Variants in CACNA1F observed in about 807,000 individuals in gnomAD.
CACNA1F encodes calcium voltage-gated channel subunit alpha1 F, also known as voltage-dependent L-type calcium channel subunit alpha-1F.
In CACNA1F, 59 loss-of-function variants were observed where a neutral mutation model predicts 143.8. The observed-to-expected ratio is 0.41, with a 90% CI of 0.33 to 0.51. The LOEUF is 0.51. Among genes scored for constraint, CACNA1F ranks in the 20% least tolerant of loss-of-function variants. The probability of loss-of-function intolerance (pLI) is 0.22; values close to 1 mark genes in which losing one functional copy is unlikely to be tolerated. For missense variants in CACNA1F, 1,411 were observed against 1,647.5 expected, an observed-to-expected ratio of 0.86 and a Z score of 2.48; for synonymous variants, 643 against 649.1, an observed-to-expected ratio of 0.99 and a Z score of 0.14.
Position 49,215,443 on chromosome X carries a change from T to C in CACNA1F, c.3337A>G (p.Ile1113Val), listed in dbSNP as rs2065702841. The change falls in exon 28 of 48, where the codon ATT becomes GTT. Residue 1113 changes from isoleucine (I) to valine (V), a missense_variant. Ile to Val is a conservative substitution (Grantham distance 29). Around this residue, in one of 3 missense-constraint regions of CACNA1F, gnomAD observed 950 missense variants for 1,128.1 expected, o/e 0.84. Transcript: ENST00000323022. The stretch of plus-strand genomic sequence containing the variant: ...AAGATGTTCATCATGAAGAACGCAA[T>C]GATGATGATGTAGACAATGAAGAAC... Reference protein sequence around the residue: ...SVFFIVYIIIIAFFMMNIFVG... With the variant: ...SVFFIVYIIIVAFFMMNIFVG... 1 of 1,204,835 alleles carries C rather than the reference T, an allele frequency of 8.3e-7. No homozygotes were observed. Among genetic ancestry groups the C allele is most frequent in the Non-Finnish European group, 1.1e-6 (1 of 889,990 alleles).
At chrX:49,206,392 CAAAAAAAAAAA>C (rs1168190548) in intron 46 of CACNA1F, 108 bp downstream of exon 46, 21 of 166,545 alleles carry the variant, frequency 1.3e-4, no homozygotes, top group Non-Finnish European at 1.8e-4. Flanking sequence ...AACTCTGTCT[CAAAAAAAAAAA>C]AAAAAAAAAA....
rs782263264 is a variant in CACNA1F at position 49,209,921 on chromosome X, C to T, written c.4690+20G>A. 7 of 1,162,526 alleles carry T rather than the reference C, an allele frequency of 6.0e-6. No homozygotes were observed. The highest frequency in any genetic ancestry group is 8.2e-6 in the Non-Finnish European group (7 of 850,622). Reference sequence around the variant, plus strand: ...GCCATTCAGGGGCTGGCGCGGGGAACTGGGGCGGGGATAGCTCACCGTCTG... The same window carrying T: ...GCCATTCAGGGGCTGGCGCGGGGAATTGGGGCGGGGATAGCTCACCGTCTG... On this transcript the variant is annotated intron_variant, in intron 40 of 47. Coordinates refer to ENST00000323022, the MANE Select transcript of CACNA1F (RefSeq NM_001256789.3).
Position 49,210,679 on chromosome X carries a change from T to C in CACNA1F, c.4396A>G (p.Ile1466Val). 8.3e-7 allele frequency: 1 copy of C among 1,206,699 alleles called. No homozygotes were observed. Among genetic ancestry groups the C allele is most frequent in the South Asian group, 1.8e-5 (1 of 56,298 alleles). Residue 1466 changes from isoleucine (I) to valine (V), a missense_variant, in exon 38 of 48, where the codon ATC (isoleucine) becomes GTC (valine). Physicochemically the swap from Ile to Val is conservative, Grantham distance 29. Transcript: ENST00000323022. ...AGGGCAACCACATCCAAGTGTTTGA[T>C]GCGGCCCCTGGAGGAGTTGGGGAGG... ...SEYDPGAKGR[I>V]KHLDVVALLR...
rs782176886 is a variant in CACNA1F, at chrX:49,212,873, C to T, written c.3814-78G>A. Reference sequence around the variant, plus strand: ...TCCCTATCTCATGCTTTGGCCCTCCCAGTACCCAAATCACTCAGGCCCTAG... The same window carrying T: ...TCCCTATCTCATGCTTTGGCCCTCCTAGTACCCAAATCACTCAGGCCCTAG... On this transcript the variant is annotated intron_variant, in intron 32 of 47. Transcript: ENST00000323022. 8.5e-5 allele frequency: 100 copies of T among 1,172,202 alleles called. No individual in the cohort carries two copies. In the South Asian group the frequency reaches 1.4e-3, roughly 16 times the overall value.
chrX:49,208,197 CAAAA>C (rs1182146690), intron 43 of CACNA1F, among the ~76,000 whole-genome samples: 4 of 47,429 alleles, frequency 8.4e-5, no homozygotes, highest in African/African-American at 8.5e-5. Flanking sequence ...GACTCTGTCT[CAAAA>C]AAAAAAAAAA....
chrX:49,227,041 C>G lies in CACNA1F; in HGVS notation c.1205G>C (p.Arg402Pro), dbSNP rs782711560. The G allele has an allele frequency of 2.5e-6, 3 of 1,209,331 alleles. No individual in the cohort carries two copies. The highest frequency in any genetic ancestry group is 3.4e-6 in the Non-Finnish European group (3 of 893,837). The part of the protein sequence containing the change: ...REKQQMEEDL[R>P]GYLDWITQAE... ...TTGAGTGATCCAGTCCAGGTAGCCC[C>G]GCAGGTCTTCCTCCATCTGCTGCTT... Residue 402 changes from arginine to proline, a missense_variant, in exon 9 of 48, where the codon CGG becomes CCG. Transcript: ENST00000323022.
chrX:49,212,897 A>T, intron 32 of CACNA1F, 77 bp downstream of exon 32: 1 of 1,159,667 alleles, frequency 8.6e-7, no homozygotes, highest in Non-Finnish European at 1.2e-6. Context: ...CTCAGGCCCT[A>T]GGGTAATCTG....
intron 17 of CACNA1F, among the ~76,000 whole-genome samples, chrX:49,222,085 A>G (rs1326538630): frequency 9.1e-6 from 1 of 110,225 alleles, no homozygotes; most frequent in East Asian, 2.9e-4. Context: ...TGCATGGCTC[A>G]CTCCCTCACT....
rs369309743 is a variant in CACNA1F, at chrX:49,212,661, G to T, written c.3942+6C>A. 7 of 1,209,312 alleles carry T rather than the reference G, an allele frequency of 5.8e-6. No individual in the cohort carries two copies. The highest frequency in any genetic ancestry group is 6.7e-6 in the Non-Finnish European group (6 of 893,882). ...GTATGGTCAAAGGGATGGGGTAGGG[G>T]ATTACCTGGAAGGACTTGATGAATG... is the stretch of plus-strand genomic sequence containing the variant. On this transcript the variant is annotated splice_donor_region_variant and intron_variant, in intron 33 of 47. Coordinates refer to ENST00000323022, the MANE Select transcript of CACNA1F (RefSeq NM_001256789.3).
chrX:49,231,336 C>A, intron 2 of CACNA1F, 29 bp from the exon 3 acceptor site: 1 of 1,037,590 alleles, frequency 9.6e-7, no homozygotes, highest in Non-Finnish European at 1.3e-6. Context: ...AGGACCCTGG[C>A]AGAGTGGCAT....
intron 27 of CACNA1F, 79 bp downstream of exon 27, chrX:49,216,303 C>A (rs782426501): frequency 1.9e-6 from 2 of 1,046,977 alleles, no homozygotes; most frequent in Middle Eastern, 2.8e-4. Flanking sequence ...ACACTCCCAC[C>A]CATTCCCAGG....
Position 49,205,272 on chromosome X carries a change from C to T in CACNA1F, c.5766G>A (p.Leu1922=). The T allele has an allele frequency of 8.3e-7, 1 of 1,209,890 alleles. No homozygotes were observed. The highest frequency in any genetic ancestry group is 2.3e-4 in the Middle Eastern group (1 of 4,352). ...CACTGGCAGCATTGTCCATCTCATC[C>T]AGCGTCAGGCGACACGCATCTGCAA... ...QEIADACRLT[L]DEMDNAASDL... is the part of the protein sequence containing the mutation. The change falls in exon 48 of 48, where the codon CTG becomes CTA. Residue 1922 remains leucine, a synonymous_variant. Transcript: ENST00000323022.
rs143269092 is a variant in CACNA1F at position 49,205,338 on chromosome X, A to G, written c.5700T>C (p.Phe1900=). 504 of 1,203,274 alleles carry G rather than the reference A, an allele frequency of 4.2e-4. 1 individual carries two copies. The African/African-American group carries it at 7.6e-3, about 18-fold the overall frequency. Residue 1900 remains phenylalanine (F), a synonymous_variant, in exon 48 of 48, where the codon TTT becomes TTC. Coordinates refer to ENST00000323022, the MANE Select transcript of CACNA1F (RefSeq NM_001256789.3). ...AVLISEGLGL[F]ARDPRFVALA... Reference sequence around the variant, plus strand: ...GGGCCACGAAACGTGGGTCTCGAGCAAAGAGGCCCAGACCCTCTGAGATAA... The same window carrying G: ...GGGCCACGAAACGTGGGTCTCGAGCGAAGAGGCCCAGACCCTCTGAGATAA...
rs1557106927 is a variant in CACNA1F, at chrX:49,214,284, C to G, written c.3598-15G>C. 2 of 1,034,109 alleles carry G rather than the reference C, an allele frequency of 1.9e-6. No individual in the cohort carries two copies. Among genetic ancestry groups the G allele is most frequent in the Admixed American group, 4.4e-5 (2 of 45,925 alleles). 85.2% of individuals were successfully genotyped at this position (1,034,109 alleles called of 1,213,427 possible). Reference sequence around the variant, plus strand: ...TGCTCATAGTGCTGCAGGAGAAAATCAGGTTGAGATGGAGCCTGAGGCAGA... The same window carrying G: ...TGCTCATAGTGCTGCAGGAGAAAATGAGGTTGAGATGGAGCCTGAGGCAGA... On this transcript the variant is annotated splice_polypyrimidine_tract_variant and intron_variant, in intron 29 of 47. Transcript: ENST00000323022.
At position 49,206,495 on chromosome X, in the gene CACNA1F, A is replaced by G; in HGVS notation, c.5472+16T>C. The G allele has an allele frequency of 8.9e-7, 1 of 1,127,972 alleles. No homozygotes were observed. The highest frequency in any genetic ancestry group is 1.2e-6 in the Non-Finnish European group (1 of 826,561). The allele number at this position is 1,127,972 out of a possible 1,213,427, so 93.0% of individuals were successfully genotyped here. ...TCTCCAGACCCCAGACCCCAGCACC[A>G]CCTCCACAGCCTCACCTGAGCCCTA... is the stretch of plus-strand genomic sequence containing the variant. On this transcript the variant is annotated intron_variant, in intron 46 of 47. Coordinates refer to ENST00000323022, the MANE Select transcript of CACNA1F (RefSeq NM_001256789.3).
chrX:49,222,735 A>C lies in CACNA1F; in HGVS notation c.2189T>G (p.Leu730Arg), dbSNP rs1557108979. The change falls in exon 16 of 48, where the codon CTC becomes CGC. Residue 730 changes from leucine (L) to arginine (R), a missense_variant. Leu to Arg is a moderately radical substitution (Grantham distance 102). Coordinates refer to ENST00000323022, the MANE Select transcript of CACNA1F (RefSeq NM_001256789.3). Reference sequence around the variant, plus strand: ...AAGGATACAGTTGCCACAGATGAAGAGAATGATGAAATAGATGCACACCAA... The same window carrying C: ...AAGGATACAGTTGCCACAGATGAAGCGAATGATGAAATAGATGCACACCAA... ...GMLVCIYFII[L>R]FICGNYILLN... 1 of 1,209,644 alleles carries C rather than the reference A, an allele frequency of 8.3e-7. No individual in the cohort carries two copies. Among genetic ancestry groups the C allele is most frequent in the African/African-American group, 1.8e-5 (1 of 57,117 alleles).
At chrX:49,219,057 C>T (rs1557108189) in intron 21 of CACNA1F, 116 bp from the exon 22 acceptor site, 1 of 674,656 alleles carries the variant, frequency 1.5e-6, no homozygotes, top group African/African-American at 2.2e-5. Context: ...ACCCTTCTGC[C>T]TCTACCCAGC....
At position 49,230,941 on chromosome X, in the gene CACNA1F, G is replaced by A. The variant is rs782077194; in HGVS notation, c.430C>T (p.Leu144Phe). The A allele has an allele frequency of 1.7e-6, 2 of 1,187,428 alleles. No homozygotes were observed. Among genetic ancestry groups the A allele is most frequent in the East Asian group, 6.1e-5 (2 of 32,841 alleles). ...FLVIFTVETV[L>F]KIVAYGLVLH... is the part of the protein sequence containing the mutation. ...ACCAGCCCGTAGGCCACGATCTTGA[G>A]CACCGTCTCCACAGTGAAAATCACC... Residue 144 changes from leucine to phenylalanine, a missense_variant, in exon 4 of 48, where the codon CTC becomes TTC. Physicochemically the swap from Leu to Phe is conservative, Grantham distance 22. Transcript: ENST00000323022.
intron 14 of CACNA1F, among the ~76,000 whole-genome samples, chrX:49,224,558 C>T (rs1557109414): frequency 9.0e-6 from 1 of 111,077 alleles, no homozygotes; most frequent in African/African-American, 3.3e-5. Context: ...TAGACATTCT[C>T]CCCAGTGGAT....
Sources: allele counts gnomAD v4.1 joint callset (sites outside exome capture counted in the v4.1 genomes callset), GRCh38; gene constraint gnomAD v4.1.1; regional missense constraint gnomAD v4.1.1; transcripts MANE v1.5; gene names NCBI Gene and HGNC (gene_info 2026-07-23, HGNC 2026-07-21).